Variants in ABCA5 observed in about 807,000 individuals in gnomAD.
The protein encoded by ABCA5 is ATP binding cassette subfamily A member 5, also known as cholesterol transporter ABCA5.
ABCA5 carries 163 observed loss-of-function variants against 206.0 expected under a neutral mutation model. The observed-to-expected ratio is 0.79, with a 90% CI of 0.70 to 0.90. ABCA5 has a LOEUF of 0.90. Ranked by LOEUF, ABCA5 falls within the 40% of genes least tolerant of loss-of-function variation. The pLI is 0.00. For synonymous variants in ABCA5, 609 were observed against 613.8 expected, an observed-to-expected ratio of 0.99 and a Z score of 0.11; for missense variants, 1,859 against 1,912.9, an observed-to-expected ratio of 0.97 and a Z score of 0.53.
chr17:69,314,580 G>A, intron 1 of ABCA5, 150 bp from the exon 2 acceptor site: 1 of 541,964 alleles, frequency 1.8e-6, no homozygotes, highest in Non-Finnish European at 3.3e-6. Context: ...TGGACAGAAT[G>A]CATGGAGCAG....
intron 11 of ABCA5, among the ~76,000 whole-genome samples, chr17:69,292,188 C>T (rs549660617): frequency 2.5e-4 from 38 of 152,176 alleles, no homozygotes; most frequent in Admixed American, 6.5e-4. Flanking sequence ...CAGATCCTAA[C>T]GCCAATAATC....
chr17:69,287,509 C>G (rs2075470735), intron 15 of ABCA5, 104 bp downstream of exon 15: 1 of 1,380,398 alleles, frequency 7.2e-7, no homozygotes, highest in Admixed American at 2.5e-5. Context: ...AAACATACCA[C>G]TAGGTAAAAG....
chr17:69,321,954 C>T (rs1053364179), intron 1 of ABCA5, among the ~76,000 whole-genome samples: 8 of 152,002 alleles, frequency 5.3e-5, no homozygotes, highest in African/African-American at 1.9e-4. Context: ...CAATAAGTTG[C>T]AAGAAAATGG....
chr17:69,250,251 T>G (rs1018610628), intron 36 of ABCA5, among the ~76,000 whole-genome samples: 13 of 151,824 alleles, frequency 8.6e-5, no homozygotes, highest in African/African-American at 3.1e-4. Flanking sequence ...ACTTCATTAG[T>G]CCAGTATTGG....
intron 3 of ABCA5, among the ~76,000 whole-genome samples, chr17:69,309,768 A>G (rs567005642): frequency 2.6e-5 from 4 of 152,214 alleles, no homozygotes; most frequent in Admixed American, 2.6e-4. Context: ...TTGAGCTAGG[A>G]GGTCGAGGCT....
intron 19 of ABCA5, among the ~76,000 whole-genome samples, chr17:69,274,644 T>C (rs2075310805): frequency 1.3e-5 from 2 of 151,800 alleles, no homozygotes; most frequent in African/African-American, 4.8e-5. Flanking sequence ...ATGACAATAC[T>C]GGAGAGAAAG....
chr17:69,247,835 T>A (rs1568085134), intron 38 of ABCA5, among the ~76,000 whole-genome samples, 191 bp from the exon 39 acceptor site: 1 of 152,082 alleles, frequency 6.6e-6, no homozygotes, highest in East Asian at 1.9e-4. Flanking sequence ...TATTTTAGAT[T>A]AATAGATATG....
intron 28 of ABCA5, among the ~76,000 whole-genome samples, chr17:69,257,997 TGA>T (rs1249923667): frequency 6.6e-6 from 1 of 152,056 alleles, no homozygotes; most frequent in African/African-American, 2.4e-5. Context: ...GATTATTTAC[TGA>T]GAAGTAGGAA....
At chr17:69,278,838 C>A (rs972811937) in intron 18 of ABCA5, among the ~76,000 whole-genome samples, 3 of 151,836 alleles carry the variant, frequency 2.0e-5, no homozygotes, top group African/African-American at 7.3e-5. Context: ...TTCAACAACC[C>A]TTCATGCTAA....
chr17:69,267,969 C>A lies in ABCA5; in HGVS notation c.3118G>T (p.Ala1040Ser). Residue 1040 changes from alanine to serine, a missense_variant, in exon 23 of 39, where the codon GCC becomes TCC. Physicochemically the swap from Ala to Ser is moderately conservative, Grantham distance 99. Transcript: ENST00000392676. ...IIVTAMPPYF[A>S]MENAENHKIK... ...TTATGATTCTCTGCATTTTCCATGG[C>A]AAAGTAAGGTGGCATTGCAGTAACA... 1 of 1,609,318 alleles carries A rather than the reference C, an allele frequency of 6.2e-7. No homozygotes were observed. The highest frequency in any genetic ancestry group is 1.1e-5 in the South Asian group (1 of 90,654).
At chr17:69,309,027 TAATA>T (rs968830337) in intron 4 of ABCA5, among the ~76,000 whole-genome samples, 5 of 152,208 alleles carry the variant, frequency 3.3e-5, no homozygotes, top group East Asian at 1.9e-4. Context: ...CTACTGTATT[TAATA>T]TATATAAATG....
At chr17:69,312,117 T>G (rs922976696) in intron 3 of ABCA5, among the ~76,000 whole-genome samples, 1 of 152,206 alleles carries the variant, frequency 6.6e-6, no homozygotes, top group Non-Finnish European at 1.5e-5. Flanking sequence ...AAAAATAACA[T>G]GCTAATCTGT....
At chr17:69,304,895 T>C (rs2075700958) in intron 6 of ABCA5, 85 bp from the exon 7 acceptor site, 1 of 1,258,918 alleles carries the variant, frequency 7.9e-7, no homozygotes, top group Non-Finnish European at 1.1e-6. Flanking sequence ...TTTTTAGATT[T>C]TAGCCATTTT....
At chr17:69,323,989 T>C (rs150504277) in intron 1 of ABCA5, among the ~76,000 whole-genome samples, 2 of 152,352 alleles carry the variant, frequency 1.3e-5, no homozygotes, top group East Asian at 1.9e-4. Flanking sequence ...CATTCATTTA[T>C]GTATTATCTA....
intron 22 of ABCA5, 55 bp downstream of exon 22, chr17:69,270,558 G>T: frequency 6.9e-7 from 1 of 1,448,786 alleles, no homozygotes; most frequent in South Asian, 1.4e-5. Flanking sequence ...GTTTTTAATG[G>T]TTATTATATA....
chr17:69,248,285 A>G lies in ABCA5; in HGVS notation c.4798T>C (p.Phe1600Leu). 1 of 1,563,982 alleles carries G rather than the reference A, an allele frequency of 6.4e-7. No individual in the cohort carries two copies. The highest frequency in any genetic ancestry group is 8.7e-7 in the Non-Finnish European group (1 of 1,144,392). ...KHAFAIEEYS[F>L]SQATLEQVFV... Reference sequence around the variant, plus strand: ...ACCTGTTCCAATGTTGCTTGAGAAAAGCTATATTCTTCAATGGCAAAAGCA... The same window carrying G: ...ACCTGTTCCAATGTTGCTTGAGAAAGGCTATATTCTTCAATGGCAAAAGCA... The change falls in exon 38 of 39, where the codon TTT (phenylalanine) becomes CTT (leucine). Residue 1600 changes from phenylalanine (F) to leucine (L), a missense_variant. By Grantham distance (22) the Phe-to-Leu change is conservative. Coordinates refer to ENST00000392676, the MANE Select transcript of ABCA5 (RefSeq NM_172232.4).
At chr17:69,294,578 T>C in intron 11 of ABCA5, 77 bp downstream of exon 11, 2 of 1,241,630 alleles carry the variant, frequency 1.6e-6, no homozygotes, top group Non-Finnish European at 2.3e-6. Context: ...GAAGTTTAAA[T>C]TTCCCACAAG....
intron 4 of ABCA5, 106 bp from the exon 5 acceptor site, chr17:69,308,474 A>G (rs914674394): frequency 8.7e-6 from 6 of 693,504 alleles, no homozygotes; most frequent in Non-Finnish European, 1.5e-5. Flanking sequence ...TAATCAATCA[A>G]TCTTTACAGG....
At position 69,313,283 on chromosome 17, in the gene ABCA5, G is replaced by C; in HGVS notation, c.116C>G (p.Pro39Arg). The change falls in exon 3 of 39, where the codon CCA becomes CGA. Residue 39 changes from proline to arginine, a missense_variant. Physicochemically the swap from Pro to Arg is moderately radical, Grantham distance 103. Transcript: ENST00000392676. ...KKSSVQEILF[P>R]LFFLFWLILI... ...TATTAACCAAAATAAAAAAAATAGT[G>C]GAAAAAGAATTTCCTACAATAAAAG... 3.6e-6 allele frequency: 5 copies of C among 1,372,136 alleles called. No individual in the cohort carries two copies. The highest frequency in any genetic ancestry group is 5.0e-6 in the Non-Finnish European group (5 of 994,552). The allele number at this position is 1,372,136 out of a possible 1,614,324, so 85.0% of individuals were successfully genotyped here. A position where few individuals can be genotyped will look rare whatever the true frequency, so the allele number is the denominator to read the frequency against.
Sources: gnomAD v4.1 joint callset for allele counts (sites outside exome capture counted in the v4.1 genomes callset) on GRCh38, gnomAD v4.1.1 for gene constraint, MANE v1.5 for transcripts, NCBI Gene and HGNC (gene_info 2026-07-23, HGNC 2026-07-21) for gene names.